CNTN4: variants seen among roughly 807,000 people sequenced by gnomAD.
The protein encoded by CNTN4 is contactin 4, also known as contactin-4.
In CNTN4, 77 loss-of-function variants were observed where a neutral mutation model predicts 122.5. The ratio of observed to expected loss-of-function variants is 0.63; its 90% CI spans 0.52 to 0.76. CNTN4 has a LOEUF of 0.76. CNTN4 is among the 30% of genes least tolerant of loss of function. The pLI, the probability that CNTN4 is intolerant of heterozygous loss-of-function variation, is 0.00. For missense variants in CNTN4, 1,256 were observed against 1,259.1 expected (o/e 1.00, Z 0.04); for synonymous variants, 512 against 447.0 (o/e 1.15, Z -1.83).
At chr3:2,483,124 GA>G (rs2076054593) in intron 3 of CNTN4, among the ~76,000 whole-genome samples, 1 of 152,322 alleles carries the variant, frequency 6.6e-6, no homozygotes, top group Admixed American at 6.5e-5. Context: ...CATAGGGGTA[GA>G]GCTGCCCAAG....
At chr3:2,990,906 C>T (rs974786412) in intron 14 of CNTN4, among the ~76,000 whole-genome samples, 2 of 152,100 alleles carry the variant, frequency 1.3e-5, no homozygotes, top group African/African-American at 4.8e-5. Context: ...CTATTTGTTT[C>T]TTTCAAGGTA....
Position 2,103,993 on chromosome 3 carries a change from A to AT in CNTN4, c.-145+3361dup, listed in dbSNP as rs139237970. Among the ~76,000 whole-genome samples, 201 of 152,206 alleles carry AT rather than the reference A, an allele frequency of 1.3e-3. 1 individual carries two copies. The highest frequency in any genetic ancestry group is 4.5e-3 in the African/African-American group (188 of 41,524). ...GTTATTGTTTCAACATTAAAGAGTG[A>AT]TTTTTTTCCTCTTGTTCAGTATGTA... On this transcript the variant is annotated intron_variant, in intron 2 of 24. Coordinates refer to ENST00000418658, the MANE Select transcript of CNTN4 (RefSeq NM_175607.3).
At chr3:2,367,672 C>A (rs1042293430) in intron 3 of CNTN4, among the ~76,000 whole-genome samples, 1 of 152,084 alleles carries the variant, frequency 6.6e-6, no homozygotes, top group Non-Finnish European at 1.5e-5. Context: ...TTAGTAGAGA[C>A]AGGGGTTTCA....
intron 6 of CNTN4, among the ~76,000 whole-genome samples, chr3:2,797,945 T>C (rs2092241649): frequency 6.9e-6 from 1 of 144,750 alleles, no homozygotes; most frequent in Admixed American, 7.1e-5. Context: ...TTGGTATAAA[T>C]TTAGAAGGTA....
chr3:2,205,576 A>G lies in CNTN4; in HGVS notation c.-145+104937A>G, dbSNP rs150726661. ...TTCTCACTCAATCGTAAGCTCCCAA[A>G]GGGCAGAGATGATGTCTCTCTGATT... On this transcript the variant is annotated intron_variant, in intron 2 of 24. Transcript: ENST00000418658. Among the ~76,000 whole-genome samples, 542 of 152,084 alleles carry G rather than the reference A, an allele frequency of 3.6e-3. 4 individuals are homozygous for G. Among genetic ancestry groups the G allele is most frequent in the African/African-American group, 0.013 (521 of 41,510 alleles).
chr3:2,802,882 A>C (rs555103456), intron 6 of CNTN4, among the ~76,000 whole-genome samples: 2 of 152,324 alleles, frequency 1.3e-5, no homozygotes, highest in South Asian at 4.1e-4. Context: ...AAAATGTAGG[A>C]GAATATCTTT....
chr3:2,802,672 C>G (rs560187223), intron 6 of CNTN4, among the ~76,000 whole-genome samples: 2 of 152,108 alleles, frequency 1.3e-5, no homozygotes, highest in Non-Finnish European at 2.9e-5. Flanking sequence ...GAAACCTAAC[C>G]CTGTATTTCC....
intron 3 of CNTN4, among the ~76,000 whole-genome samples, chr3:2,448,293 G>A (rs903712616): frequency 1.3e-5 from 2 of 152,170 alleles, no homozygotes; most frequent in Non-Finnish European, 2.9e-5. Context: ...TGGGTGATCT[G>A]TGATTCTGGA....
chr3:2,230,943 A>T (rs966187710), intron 2 of CNTN4, among the ~76,000 whole-genome samples: 5 of 152,128 alleles, frequency 3.3e-5, no homozygotes, highest in Non-Finnish European at 7.4e-5. Flanking sequence ...AGCCATGATC[A>T]TGCCACTGCA....
At chr3:2,672,563 G>T (rs1054273841) in intron 4 of CNTN4, among the ~76,000 whole-genome samples, 1 of 152,158 alleles carries the variant, frequency 6.6e-6, no homozygotes, top group Non-Finnish European at 1.5e-5. Context: ...TGCACTTCCC[G>T]GGTGAGGCAA....
At chr3:2,830,733 T>A (rs573316332) in intron 7 of CNTN4, among the ~76,000 whole-genome samples, 166 of 152,278 alleles carry the variant, frequency 1.1e-3, no homozygotes, top group South Asian at 5.2e-3. Context: ...CTTGTTTTAA[T>A]GCCTGCTGGA....
rs554912824 is a variant in CNTN4 at position 2,880,924 on chromosome 3, G to A, written c.653-2221G>A. ...CCTTCAAGAATAGGTTGCTAGCCGTGGATCCTCTCTTTAGAAAAATGTGCA... is the reference window on the plus strand; with the variant it reads ...CCTTCAAGAATAGGTTGCTAGCCGTAGATCCTCTCTTTAGAAAAATGTGCA... On this transcript the variant is annotated intron_variant, in intron 8 of 24. Transcript: ENST00000418658. 7.8e-4 allele frequency among the ~76,000 whole-genome samples: 119 copies of A among 152,192 alleles called. 1 individual carries two copies. Among genetic ancestry groups the A allele is most frequent in the African/African-American group, 2.8e-3 (115 of 41,512 alleles).
intron 12 of CNTN4, among the ~76,000 whole-genome samples, chr3:2,919,087 T>C (rs2094400178): frequency 6.6e-6 from 1 of 151,892 alleles, no homozygotes; most frequent in Non-Finnish European, 1.5e-5. Context: ...CTTACGCCTA[T>C]AATCCCAGCA....
At chr3:2,867,513 CT>C (rs1325342209) in intron 8 of CNTN4, among the ~76,000 whole-genome samples, 1 of 152,140 alleles carries the variant, frequency 6.6e-6, no homozygotes. Flanking sequence ...GTAAAAATCA[CT>C]GTGTACTTTG....
chr3:2,672,044 T>G (rs2084550342), intron 4 of CNTN4, among the ~76,000 whole-genome samples: 1 of 152,196 alleles, frequency 6.6e-6, no homozygotes, highest in African/African-American at 2.4e-5. Context: ...GCCTCCCAGT[T>G]AGGCTACTCA....
intron 2 of CNTN4, among the ~76,000 whole-genome samples, chr3:2,221,764 T>C (rs1264011134): frequency 1.3e-5 from 2 of 152,126 alleles, no homozygotes; most frequent in Non-Finnish European, 2.9e-5. Context: ...AAAGAAGATA[T>C]ACTAGTAGCG....
intron 5 of CNTN4, among the ~76,000 whole-genome samples, chr3:2,741,067 G>C (rs776721632): frequency 8.5e-5 from 13 of 152,126 alleles, no homozygotes; most frequent in African/African-American, 1.4e-4. Context: ...TTAGGATTCT[G>C]AAAAATACGT....
At chr3:2,838,885 A>G (rs1559562312) in intron 7 of CNTN4, among the ~76,000 whole-genome samples, 1 of 152,194 alleles carries the variant, frequency 6.6e-6, no homozygotes, top group Non-Finnish European at 1.5e-5. Context: ...TTTTGCTTTT[A>G]TGTGCCACTA....
intron 2 of CNTN4, among the ~76,000 whole-genome samples, chr3:2,320,530 C>T (rs569604000): frequency 1.0e-3 from 158 of 152,166 alleles, no homozygotes; most frequent in African/African-American, 3.7e-3. Flanking sequence ...GATAACTGTT[C>T]TTGTAGTTGA....
Sources: gnomAD v4.1 joint callset for allele counts (sites outside exome capture counted in the v4.1 genomes callset) on GRCh38, gnomAD v4.1.1 for gene constraint, MANE v1.5 for transcripts, NCBI Gene and HGNC (gene_info 2026-07-23, HGNC 2026-07-21) for gene names.